The following RNLS variants were observed in gnomAD, a reference collection of about 807,000 sequenced individuals.
RNLS encodes renalase.
In RNLS, 39 loss-of-function variants were observed where a neutral mutation model predicts 39.8. The ratio of observed to expected loss-of-function variants is 0.98; its 90% CI spans 0.76 to 1.28. The LOEUF is 1.28. Ranked by LOEUF, RNLS falls within the 50% of genes most tolerant of loss-of-function variation. The pLI is 0.00. For synonymous variants in RNLS, 147 were observed against 150.7 expected, an observed-to-expected ratio of 0.98 and a Z score of 0.18; for missense variants, 410 against 413.3, an observed-to-expected ratio of 0.99 and a Z score of 0.07.
chr10:88,293,159 C>T (rs555940720), intron 6 of RNLS, among the ~76,000 whole-genome samples: 4 of 152,274 alleles, frequency 2.6e-5, no homozygotes, highest in African/African-American at 9.6e-5. Flanking sequence ...TTACTGGTTG[C>T]ACACTAACTT....
chr10:88,393,174 G>A (rs1852319682), intron 4 of RNLS, among the ~76,000 whole-genome samples: 1 of 152,122 alleles, frequency 6.6e-6, no homozygotes, highest in South Asian at 2.1e-4. Context: ...TCAACATAGT[G>A]TTGGAAGTTC....
chr10:88,308,221 A>C (rs1448467373), intron 6 of RNLS, among the ~76,000 whole-genome samples: 1 of 152,240 alleles, frequency 6.6e-6, no homozygotes, highest in Admixed American at 6.5e-5. Context: ...GAAGAGGCAA[A>C]GATTTCATGG....
At chr10:88,575,212 GTGTA>G (rs1564915164) in intron 3 of RNLS, among the ~76,000 whole-genome samples, 1 of 100,402 alleles carries the variant, frequency 1.0e-5, no homozygotes, top group Non-Finnish European at 1.8e-5. Context: ...ATATATGTGT[GTGTA>G]TATATATATA....
the RNLS span, among the ~76,000 whole-genome samples, chr10:88,221,396 T>G: frequency 6.6e-6 from 1 of 152,342 alleles, no homozygotes; most frequent in Admixed American, 6.5e-5. Flanking sequence ...TCTTTTCTTT[T>G]TTCTAGAATA....
the RNLS span, among the ~76,000 whole-genome samples, chr10:88,193,892 T>A: frequency 9.9e-5 from 15 of 152,218 alleles, no homozygotes; most frequent in Admixed American, 2.0e-4. Context: ...CAATGTGGTT[T>A]TCTTAGTGTC....
At chr10:88,233,891 A>G in the RNLS span, among the ~76,000 whole-genome samples, 2 of 151,988 alleles carry the variant, frequency 1.3e-5, no homozygotes, top group Non-Finnish European at 2.9e-5. Flanking sequence ...TGTAAATAAT[A>G]ACAAAGATAA....
At chr10:88,262,335 T>C in the RNLS span, among the ~76,000 whole-genome samples, 3 of 152,222 alleles carry the variant, frequency 2.0e-5, no homozygotes, top group Non-Finnish European at 4.4e-5. Context: ...ATTAGCTCTG[T>C]GAACTTTGGC....
rs191859240 is a variant in RNLS at position 88,299,547 on chromosome 10, C to T, written c.877-14041G>A. 5.9e-5 allele frequency among the ~76,000 whole-genome samples: 9 copies of T among 152,276 alleles called. No homozygotes were observed. The East Asian group carries it at 1.3e-3, about 23-fold the overall frequency. The stretch of plus-strand genomic sequence containing the variant: ...GCCTGAGGCAGGAGAATTGCTTGAC[C>T]CCGTGAGGTGGAGGTTGCAGTGAGC... On this transcript the variant is annotated intron_variant, in intron 6 of 6. Transcript: ENST00000331772.
chr10:88,545,737 C>T (rs1442589818), intron 4 of RNLS, among the ~76,000 whole-genome samples: 1 of 152,122 alleles, frequency 6.6e-6, no homozygotes, highest in Admixed American at 6.6e-5. Context: ...AAAGGGTTGA[C>T]AGTTTAGTTC....
chr10:88,243,682 G>A, the RNLS span, among the ~76,000 whole-genome samples: 3 of 152,222 alleles, frequency 2.0e-5, no homozygotes, highest in South Asian at 6.2e-4. Flanking sequence ...CAAATGTTCA[G>A]CCTAAAGCAT....
At chr10:88,184,697 A>G in the RNLS span, among the ~76,000 whole-genome samples, 8 of 152,324 alleles carry the variant, frequency 5.3e-5, no homozygotes, top group African/African-American at 1.2e-4. Context: ...GACATTGCAT[A>G]TAGTTGACAG....
the RNLS span, among the ~76,000 whole-genome samples, chr10:88,212,492 T>C: frequency 1.3e-5 from 2 of 152,232 alleles, no homozygotes; most frequent in African/African-American, 4.8e-5. Flanking sequence ...ATTCACTCAT[T>C]CATTTATCCA....
intron 6 of RNLS, 99 bp from the exon 7 acceptor site, chr10:88,285,605 A>T: frequency 6.0e-6 from 6 of 1,006,854 alleles, no homozygotes; most frequent in Non-Finnish European, 8.8e-6. Flanking sequence ...TGGAGAAATC[A>T]AGATTTCTCA....
chr10:88,249,434 C>T, the RNLS span, among the ~76,000 whole-genome samples: 2 of 152,054 alleles, frequency 1.3e-5, no homozygotes, highest in African/African-American at 4.8e-5. Flanking sequence ...ACAAATTACC[C>T]CAAAACTCAG....
chr10:88,568,593 G>T (rs1849651124), intron 4 of RNLS, among the ~76,000 whole-genome samples: 1 of 151,910 alleles, frequency 6.6e-6, no homozygotes, highest in Admixed American at 6.6e-5. Context: ...GAGCCAAGAG[G>T]TCCCAAGCAG....
chr10:88,560,941 AACACAC>A lies in RNLS; in HGVS notation c.526+11956_526+11961del, dbSNP rs35709088. ...TTATAGTTTGTAGATGTTCAGAGAT[AACACAC>A]ACACACACACACACACACACACACA... On this transcript the variant is annotated intron_variant, in intron 4 of 6. Transcript: ENST00000331772. Among the ~76,000 whole-genome samples, 218 of 145,770 alleles carry A rather than the reference AACACAC, an allele frequency of 1.5e-3. 1 individual carries two copies. Among genetic ancestry groups the A allele is most frequent in the African/African-American group, 1.3e-3 (50 of 39,522 alleles).
chr10:88,578,174 A>C (rs973741388), intron 3 of RNLS, among the ~76,000 whole-genome samples: 2 of 152,176 alleles, frequency 1.3e-5, no homozygotes, highest in African/African-American at 4.8e-5. Context: ...AGTGCATTAT[A>C]TCTTTCATTC....
At chr10:88,500,839 G>A (rs996247666) in intron 4 of RNLS, among the ~76,000 whole-genome samples, 6 of 152,042 alleles carry the variant, frequency 3.9e-5, no homozygotes, top group African/African-American at 1.4e-4. Context: ...ATGTAGTAGT[G>A]GGAGATATGC....
intron 4 of RNLS, among the ~76,000 whole-genome samples, chr10:88,406,157 T>C (rs1853251987): frequency 6.6e-6 from 1 of 152,132 alleles, no homozygotes; most frequent in South Asian, 2.1e-4. Flanking sequence ...CTCTTAAAAT[T>C]CTTTCCTTTG....
Sources: allele counts gnomAD v4.1 joint callset (sites outside exome capture counted in the v4.1 genomes callset), GRCh38; gene constraint gnomAD v4.1.1; transcripts MANE v1.5; gene names NCBI Gene and HGNC (gene_info 2026-07-23, HGNC 2026-07-21).